Variants in CMSS1 observed in about 807,000 individuals in gnomAD.
The protein encoded by CMSS1 is cms1 ribosomal small subunit homolog, also known as protein CMSS1.
Under a neutral mutation model 43.5 loss-of-function variants are expected in CMSS1, and 33 were observed. The observed-to-expected ratio is 0.76, with a 90% confidence interval of 0.57 to 1.01. The LOEUF (loss-of-function observed/expected upper bound fraction) is 1.01, where lower values mean the gene tolerates loss of function less well. CMSS1 is among the 50% of genes least tolerant of loss of function. The pLI, the probability that CMSS1 is intolerant of heterozygous loss-of-function variation, is 0.00. For synonymous variants in CMSS1, 115 were observed against 117.2 expected (o/e 0.98, Z 0.12); for missense variants, 313 against 326.4 (o/e 0.96, Z 0.32).
At chr3:99,876,743 A>G (rs1678758761) in intron 1 of CMSS1, among the ~76,000 whole-genome samples, 1 of 152,108 alleles carries the variant, frequency 6.6e-6, no homozygotes, top group South Asian at 2.1e-4. Context: ...TCTTCAAGTG[A>G]TGATGGAAAG....
chr3:100,176,565 A>T, intron 9 of CMSS1, 150 bp downstream of exon 9: 1 of 588,120 alleles, frequency 1.7e-6, no homozygotes, highest in Non-Finnish European at 3.0e-6. Context: ...AACTATAATT[A>T]TAGAGGCCAC....
intron 1 of CMSS1, among the ~76,000 whole-genome samples, chr3:100,125,099 G>C (rs1180139843): frequency 1.3e-5 from 2 of 152,174 alleles, no homozygotes; most frequent in East Asian, 3.9e-4. Flanking sequence ...TCTTTATTGG[G>C]AGAGGTCAGT....
At chr3:100,138,492 A>G (rs576200647) in intron 1 of CMSS1, among the ~76,000 whole-genome samples, 336 of 152,356 alleles carry the variant, frequency 2.2e-3, no homozygotes, top group South Asian at 0.012. Context: ...AAACAAATTT[A>G]CAAGAAAAAA....
At chr3:100,064,722 C>G (rs2065633364) in intron 1 of CMSS1, among the ~76,000 whole-genome samples, 1 of 152,290 alleles carries the variant, frequency 6.6e-6, no homozygotes, top group East Asian at 1.9e-4. Flanking sequence ...GGCATGTTGG[C>G]AAATCATACT....
intron 1 of CMSS1, among the ~76,000 whole-genome samples, chr3:100,080,006 C>T (rs191958067): frequency 1.3e-5 from 2 of 152,132 alleles, no homozygotes; most frequent in African/African-American, 4.8e-5. Context: ...TCAAGCAACT[C>T]AGAATTCACC....
chr3:100,178,552 T>G lies in CMSS1; in HGVS notation c.*164T>G, dbSNP rs2067166494. ...GGGGATTCTGAAACAGAAATGAAAC[T>G]GTCCTTTTGACAACTCTCTTATATA... On this transcript the variant is annotated 3_prime_UTR_variant, in exon 10 of 10. Transcript: ENST00000421999. 5.3e-6 allele frequency: 3 copies of G among 563,762 alleles called. No homozygotes were observed. In the East Asian group the frequency reaches 8.7e-5, roughly 16 times the overall value. The allele number at this position is 563,762 out of a possible 1,614,324, so 34.9% of individuals were successfully genotyped here.
At chr3:99,850,155 C>T in intron 1 of CMSS1, 2 of 1,611,086 alleles carry the variant, frequency 1.2e-6, no homozygotes, top group Non-Finnish European at 8.5e-7. Flanking sequence ...ATTTTTCACT[C>T]ATTGTTTTCC....
chr3:99,967,886 G>C (rs913460187), intron 1 of CMSS1, among the ~76,000 whole-genome samples: 9 of 152,158 alleles, frequency 5.9e-5, no homozygotes, highest in African/African-American at 1.9e-4. Context: ...CCTGGTATTA[G>C]CAAGGAGAAG....
chr3:99,913,419 A>G (rs1706855181), intron 1 of CMSS1, among the ~76,000 whole-genome samples: 1 of 152,212 alleles, frequency 6.6e-6, no homozygotes, highest in African/African-American at 2.4e-5. Flanking sequence ...TCTCTCTGTT[A>G]CCAGTGATTA....
intron 1 of CMSS1, among the ~76,000 whole-genome samples, chr3:99,905,148 C>T (rs73858964): frequency 4.1e-4 from 62 of 152,352 alleles, no homozygotes; most frequent in African/African-American, 1.3e-3. Context: ...GATAGCTTAT[C>T]CCCCTTTGAA....
intron 1 of CMSS1, among the ~76,000 whole-genome samples, chr3:99,880,754 T>A (rs951867069): frequency 6.6e-6 from 1 of 152,168 alleles, no homozygotes; most frequent in African/African-American, 2.4e-5. Flanking sequence ...AAGTAAAAAA[T>A]TTTACATGTA....
chr3:99,878,470 T>G (rs1025249114), intron 1 of CMSS1, among the ~76,000 whole-genome samples: 1 of 152,254 alleles, frequency 6.6e-6, no homozygotes. Context: ...TATATAGTCT[T>G]ACATATATAG....
chr3:100,012,388 A>C (rs541734532), intron 1 of CMSS1, among the ~76,000 whole-genome samples: 41 of 152,290 alleles, frequency 2.7e-4, no homozygotes, highest in African/African-American at 9.9e-4. Context: ...AAAGCCCAAA[A>C]CGAAACAAAA....
chr3:99,933,192 T>C (rs1707542257), intron 1 of CMSS1, among the ~76,000 whole-genome samples: 1 of 152,198 alleles, frequency 6.6e-6, no homozygotes, highest in Admixed American at 6.5e-5. Flanking sequence ...TTATGCTGTA[T>C]TGCCTAAGAC....
intron 1 of CMSS1, among the ~76,000 whole-genome samples, chr3:100,073,812 AT>A (rs1195872040): frequency 6.6e-6 from 1 of 152,154 alleles, no homozygotes; most frequent in Non-Finnish European, 1.5e-5. Context: ...GGAGGGCTTT[AT>A]TAAGAATCTT....
At chr3:100,148,537 T>A (rs2066874219) in intron 2 of CMSS1, among the ~76,000 whole-genome samples, 2 of 152,198 alleles carry the variant, frequency 1.3e-5, no homozygotes, top group Non-Finnish European at 2.9e-5. Context: ...AGGATAACTG[T>A]GAGAAGCAAT....
At chr3:100,068,384 CAGAG>C in intron 1 of CMSS1, among the ~76,000 whole-genome samples, 1 of 138,774 alleles carries the variant, frequency 7.2e-6, no homozygotes, top group South Asian at 2.3e-4. Context: ...GTGTGTGTGT[CAGAG>C]AGATATAGTA....
At chr3:99,876,186 G>C (rs1232418165) in intron 1 of CMSS1, 11 of 985,440 alleles carry the variant, frequency 1.1e-5, no homozygotes, top group Non-Finnish European at 1.3e-5. Flanking sequence ...GCGGGGCGCT[G>C]AGCGCGCCCG....
intron 1 of CMSS1, among the ~76,000 whole-genome samples, chr3:99,847,567 C>T (rs998172918): frequency 2.0e-5 from 3 of 152,068 alleles, no homozygotes; most frequent in African/African-American, 7.2e-5. Context: ...CTTCTATGTG[C>T]TCATGAAAAC....
Sources: allele counts gnomAD v4.1 joint callset (sites outside exome capture counted in the v4.1 genomes callset), GRCh38; gene constraint gnomAD v4.1.1; transcripts MANE v1.5; gene names NCBI Gene and HGNC (gene_info 2026-07-23, HGNC 2026-07-21).